The following HS3ST4 variants were observed in gnomAD, a reference collection of about 807,000 sequenced individuals.
The protein encoded by HS3ST4 is heparan sulfate glucosamine 3-O-sulfotransferase 4.
In HS3ST4, 17 loss-of-function variants were observed where a neutral mutation model predicts 29.2. That is an observed-to-expected ratio of 0.58 (90% CI 0.40 to 0.87). HS3ST4 has a LOEUF of 0.87. Ranked by LOEUF, HS3ST4 falls within the 40% of genes least tolerant of loss-of-function variation. The pLI is 0.00. For synonymous variants in HS3ST4, 314 were observed against 285.7 expected (o/e 1.10, Z -1.00); for missense variants, 627 against 634.5 (o/e 0.99, Z 0.13).
At chr16:25,802,961 GTGTA>G (rs1397015156) in intron 1 of HS3ST4, among the ~76,000 whole-genome samples, 56 of 133,258 alleles carry the variant, frequency 4.2e-4, no homozygotes, top group Middle Eastern at 4.7e-3. Context: ...GTGTGTGTGT[GTGTA>G]TATATTTCTT....
At chr16:25,759,134 A>G (rs998820562) in intron 1 of HS3ST4, among the ~76,000 whole-genome samples, 1 of 152,236 alleles carries the variant, frequency 6.6e-6, no homozygotes, top group Non-Finnish European at 1.5e-5. Flanking sequence ...TAGTTTGCTT[A>G]GAATAGGAAT....
intron 1 of HS3ST4, among the ~76,000 whole-genome samples, chr16:26,100,821 A>G (rs1469654876): frequency 6.6e-6 from 1 of 152,148 alleles, no homozygotes; most frequent in African/African-American, 2.4e-5. Flanking sequence ...CATCATGATT[A>G]TATTATCTTC....
intron 1 of HS3ST4, among the ~76,000 whole-genome samples, chr16:25,810,339 A>G (rs1596577623): frequency 6.6e-6 from 1 of 152,208 alleles, no homozygotes; most frequent in East Asian, 1.9e-4. Context: ...TATGAGTTCC[A>G]TTCTTTTAAA....
At chr16:25,939,106 G>C (rs1462479338) in intron 1 of HS3ST4, among the ~76,000 whole-genome samples, 1 of 152,044 alleles carries the variant, frequency 6.6e-6, no homozygotes, top group Non-Finnish European at 1.5e-5. Flanking sequence ...GGTAGTTCCT[G>C]CATGCAGAGA....
At chr16:25,867,950 G>A (rs988273322) in intron 1 of HS3ST4, among the ~76,000 whole-genome samples, 3 of 152,198 alleles carry the variant, frequency 2.0e-5, no homozygotes, top group Admixed American at 6.5e-5. Flanking sequence ...GACAGATAGA[G>A]ACAGGCAGAC....
At chr16:25,841,423 C>T (rs1249076023) in intron 1 of HS3ST4, among the ~76,000 whole-genome samples, 1 of 152,062 alleles carries the variant, frequency 6.6e-6, no homozygotes, top group African/African-American at 2.4e-5. Flanking sequence ...ACTTCAGCCT[C>T]TGGAATAACC....
intron 1 of HS3ST4, among the ~76,000 whole-genome samples, chr16:26,120,823 A>G (rs1419595835): frequency 2.6e-5 from 4 of 152,242 alleles, no homozygotes; most frequent in Non-Finnish European, 5.9e-5. Flanking sequence ...TACAAAGAGG[A>G]AAGTTCATTT....
In HS3ST4 at chr16:25,844,841, A is replaced by G. The variant is rs112132419; in HGVS notation, c.734+151690A>G. ...GATAAACTGGATAAAGAAAATGTAC[A>G]TATACACCAGGGAGTACTATGCAGC... On this transcript the variant is annotated intron_variant, in intron 1 of 1. Coordinates refer to ENST00000331351, the MANE Select transcript of HS3ST4 (RefSeq NM_006040.3). Among the ~76,000 whole-genome samples the G allele has an allele frequency of 4.1e-3, 617 of 152,340 alleles. 3 individuals are homozygous for G. Among genetic ancestry groups the G allele is most frequent in the African/African-American group, 0.014 (581 of 41,574 alleles).
intron 1 of HS3ST4, among the ~76,000 whole-genome samples, chr16:25,997,431 C>G (rs1453557275): frequency 1.3e-5 from 2 of 152,136 alleles, no homozygotes; most frequent in African/African-American, 4.8e-5. Flanking sequence ...AAACTGAACT[C>G]AAATGAGTTA....
chr16:26,044,640 G>T (rs1392924849), intron 1 of HS3ST4, among the ~76,000 whole-genome samples: 2 of 152,108 alleles, frequency 1.3e-5, no homozygotes, highest in Non-Finnish European at 2.9e-5. Flanking sequence ...AAAAATAGGA[G>T]GGATCTAGAT....
chr16:26,029,643 C>G (rs1457162670), intron 1 of HS3ST4, among the ~76,000 whole-genome samples: 1 of 152,160 alleles, frequency 6.6e-6, no homozygotes, highest in Non-Finnish European at 1.5e-5. Context: ...AAACTCTTGA[C>G]CTTTTGATCC....
intron 1 of HS3ST4, among the ~76,000 whole-genome samples, chr16:25,805,083 G>A (rs536054238): frequency 1.2e-4 from 19 of 152,154 alleles, no homozygotes; most frequent in Middle Eastern, 6.8e-3. Context: ...GTGTCTGTTT[G>A]GTTGATTGCT....
At chr16:25,754,264 C>T (rs888520007) in intron 1 of HS3ST4, among the ~76,000 whole-genome samples, 1 of 152,028 alleles carries the variant, frequency 6.6e-6, no homozygotes, top group African/African-American at 2.4e-5. Context: ...TATTTAAGGC[C>T]CTGGTAAGGA....
chr16:26,064,610 CTTTTTTTTTTTTTTTT>C (rs869047078), intron 1 of HS3ST4, among the ~76,000 whole-genome samples: 1 of 88,962 alleles, frequency 1.1e-5, no homozygotes, highest in Non-Finnish European at 2.2e-5. Context: ...GGATTGTAGT[CTTTTTTTTTTTTTTTT>C]TTTTTTTTGA....
intron 1 of HS3ST4, among the ~76,000 whole-genome samples, chr16:26,050,661 G>A (rs774503104): frequency 2.6e-5 from 4 of 152,136 alleles, no homozygotes; most frequent in Admixed American, 6.5e-5. Flanking sequence ...GGCACCCTCC[G>A]CCGAGCAATT....
At chr16:26,133,627 G>T (rs889372654) in intron 1 of HS3ST4, among the ~76,000 whole-genome samples, 8 of 152,134 alleles carry the variant, frequency 5.3e-5, no homozygotes, top group Admixed American at 1.3e-4. Flanking sequence ...TCTCTACGAG[G>T]CAAATTCCTC....
At chr16:25,914,452 G>A (rs577949734) in intron 1 of HS3ST4, among the ~76,000 whole-genome samples, 9 of 151,680 alleles carry the variant, frequency 5.9e-5, no homozygotes, top group Admixed American at 1.3e-4. Flanking sequence ...ATGGTGTGGC[G>A]TGTTGTGTGT....
At chr16:25,971,947 A>G (rs1163808983) in intron 1 of HS3ST4, among the ~76,000 whole-genome samples, 1 of 152,114 alleles carries the variant, frequency 6.6e-6, no homozygotes, top group East Asian at 1.9e-4. Flanking sequence ...GAAAGAAAGA[A>G]AAAAAAGAGT....
intron 1 of HS3ST4, among the ~76,000 whole-genome samples, chr16:25,828,246 T>C (rs199509630): frequency 2.0e-3 from 114 of 55,902 alleles, no homozygotes; most frequent in African/African-American, 6.2e-3. Flanking sequence ...TTCTTTCTCT[T>C]TCTTTCTTTC....
Sources: allele counts gnomAD v4.1 joint callset (sites outside exome capture counted in the v4.1 genomes callset), GRCh38; gene constraint gnomAD v4.1.1; transcripts MANE v1.5; gene names NCBI Gene and HGNC (gene_info 2026-07-23, HGNC 2026-07-21).